The following C12orf56 variants were observed in gnomAD, a reference collection of about 807,000 sequenced individuals.
C12orf56 encodes uncharacterized protein C12orf56.
A neutral mutation model predicts 69.9 loss-of-function variants in C12orf56; 71 were observed. That is an observed-to-expected ratio of 1.02 (90% CI 0.84 to 1.24). C12orf56 has a LOEUF of 1.24. Among genes scored for constraint, C12orf56 ranks in the 50% most tolerant of loss-of-function variants. C12orf56 has a pLI of 0.00. For missense variants in C12orf56, 732 were observed against 738.5 expected, an observed-to-expected ratio of 0.99 and a Z score of 0.10; for synonymous variants, 276 against 274.1, an observed-to-expected ratio of 1.01 and a Z score of -0.07.
At chr12:64,345,197 A>G (rs2039124268) in intron 2 of C12orf56, among the ~76,000 whole-genome samples, 1 of 152,158 alleles carries the variant, frequency 6.6e-6, no homozygotes, top group African/African-American at 2.4e-5. Context: ...GTCTACAAGC[A>G]AACAGGAACA....
intron 12 of C12orf56, among the ~76,000 whole-genome samples, chr12:64,269,073 G>A (rs2037948632): frequency 6.6e-6 from 1 of 151,182 alleles, no homozygotes; most frequent in Non-Finnish European, 1.5e-5. Flanking sequence ...CCAGGAGGCA[G>A]AGATTGTGAT....
At chr12:64,277,650 A>ATATAT (rs1555185573) in intron 9 of C12orf56, 30 bp downstream of exon 9, 4 of 1,393,478 alleles carry the variant, frequency 2.9e-6, no homozygotes, top group East Asian at 2.7e-5. Flanking sequence ...ATATATATAT[A>ATATAT]ATAGTTTACC....
chr12:64,310,008 C>T (rs1191787047), intron 5 of C12orf56, among the ~76,000 whole-genome samples: 1 of 79,374 alleles, frequency 1.3e-5, no homozygotes, highest in East Asian at 6.4e-4. Context: ...TTCCACTTCA[C>T]CTTTTTTTTT....
Position 64,277,796 on chromosome 12 carries a change from G to C in C12orf56, c.1318C>G (p.Leu440Val). 1 of 1,556,536 alleles carries C rather than the reference G, an allele frequency of 6.4e-7. No individual in the cohort carries two copies. The highest frequency in any genetic ancestry group is 1.7e-4 in the Middle Eastern group (1 of 5,802). Residue 440 changes from leucine to valine, a missense_variant, in exon 9 of 13, where the codon CTA becomes GTA. Physicochemically the swap from Leu to Val is conservative, Grantham distance 32. Transcript: ENST00000543942. ...LNTLAAKKGA[L>V]FNLLVILISE... ...ATTAAAATTACCAAGAGATTAAATA[G>C]TGCTCCCCTGGAAAAAAATAAATAA...
chr12:64,349,162 A>T (rs1170374978), intron 2 of C12orf56, among the ~76,000 whole-genome samples: 2 of 152,220 alleles, frequency 1.3e-5, no homozygotes, highest in African/African-American at 4.8e-5. Flanking sequence ...CTACGAACTC[A>T]AATGAATTAG....
At position 64,375,650 on chromosome 12, in the gene C12orf56, A is replaced by G. The variant is rs561883273; in HGVS notation, c.252+14664T>C. Among the ~76,000 whole-genome samples, 45 of 152,322 alleles carry G rather than the reference A, an allele frequency of 3.0e-4. 1 individual carries two copies. The South Asian group carries it at 6.8e-3, about 23-fold the overall frequency. On this transcript the variant is annotated intron_variant, in intron 1 of 12. Transcript: ENST00000543942. ...AATCATCAAAGCTGATCCTCTTACA[A>G]CTACACAAAAAGTTTTGGAAGAACT...
chr12:64,320,583 C>T (rs2038758442), intron 3 of C12orf56, among the ~76,000 whole-genome samples: 1 of 152,192 alleles, frequency 6.6e-6, no homozygotes, highest in South Asian at 2.1e-4. Flanking sequence ...CCTATTCTCT[C>T]CAGCTCACCA....
chr12:64,320,811 C>T (rs563694380), intron 3 of C12orf56, among the ~76,000 whole-genome samples: 4 of 152,288 alleles, frequency 2.6e-5, no homozygotes, highest in African/African-American at 9.6e-5. Flanking sequence ...GTGCTTAGTA[C>T]CAGTAATCAA....
intron 9 of C12orf56, among the ~76,000 whole-genome samples, chr12:64,276,121 C>T (rs1224792024): frequency 1.3e-5 from 2 of 151,996 alleles, no homozygotes; most frequent in East Asian, 3.9e-4. Context: ...TCATTCCTCT[C>T]AAGAATTCCA....
intron 2 of C12orf56, among the ~76,000 whole-genome samples, chr12:64,332,946 G>C (rs1045590028): frequency 2.6e-5 from 4 of 152,132 alleles, no homozygotes; most frequent in African/African-American, 9.7e-5. Flanking sequence ...TTGACATTAA[G>C]ATAGGCAGAA....
intron 3 of C12orf56, among the ~76,000 whole-genome samples, chr12:64,323,103 ACAGT>A (rs1238573288): frequency 6.6e-6 from 1 of 152,180 alleles, no homozygotes; most frequent in Non-Finnish European, 1.5e-5. Flanking sequence ...TGAATTTAAG[ACAGT>A]CAGTGACTCG....
chr12:64,364,216 G>C (rs191837519), intron 1 of C12orf56, among the ~76,000 whole-genome samples: 4 of 151,984 alleles, frequency 2.6e-5, no homozygotes, highest in African/African-American at 4.8e-5. Flanking sequence ...GTGGGAGGTC[G>C]AGGTTGCAGT....
chr12:64,353,998 T>G (rs893067979), intron 1 of C12orf56, among the ~76,000 whole-genome samples: 1 of 152,170 alleles, frequency 6.6e-6, no homozygotes, highest in East Asian at 1.9e-4. Flanking sequence ...ATTTTAAAAA[T>G]AATTTTTTCA....
intron 1 of C12orf56, among the ~76,000 whole-genome samples, chr12:64,372,159 C>A (rs1013283671): frequency 6.6e-6 from 1 of 151,796 alleles, no homozygotes; most frequent in Non-Finnish European, 1.5e-5. Context: ...TCATACCTAC[C>A]CTAGAAGATA....
At chr12:64,338,603 A>T (rs1163822060) in intron 2 of C12orf56, 1 of 1,586,092 alleles carries the variant, frequency 6.3e-7, no homozygotes, top group African/African-American at 1.3e-5. Flanking sequence ...CTGCTGCTCA[A>T]TCTGTTTCTC....
chr12:64,277,919 C>T, intron 8 of C12orf56, 116 bp from the exon 9 acceptor site: 1 of 758,354 alleles, frequency 1.3e-6, no homozygotes, highest in Non-Finnish European at 1.9e-6. Context: ...CATTGCAGAC[C>T]ATCCTTGACT....
chr12:64,319,051 T>A, intron 3 of C12orf56, 71 bp from the exon 4 acceptor site: 13 of 1,315,574 alleles, frequency 9.9e-6, no homozygotes, highest in Non-Finnish European at 1.3e-5. Flanking sequence ...GAACCGGTAG[T>A]TTAAGACTGA....
chr12:64,352,831 A>C, intron 2 of C12orf56, 63 bp downstream of exon 2: 1 of 1,364,840 alleles, frequency 7.3e-7, no homozygotes, highest in Admixed American at 3.1e-5. Context: ...CATCAATTTT[A>C]AGAAATATAT....
At chr12:64,273,752 C>T (rs981477599) in intron 11 of C12orf56, among the ~76,000 whole-genome samples, 1 of 152,084 alleles carries the variant, frequency 6.6e-6, no homozygotes, top group East Asian at 1.9e-4. Context: ...GGTGCTATGC[C>T]GAAGGAAAAG....
Sources: allele counts gnomAD v4.1 joint callset (sites outside exome capture counted in the v4.1 genomes callset), GRCh38; gene constraint gnomAD v4.1.1; transcripts MANE v1.5; gene names NCBI Gene and HGNC (gene_info 2026-07-23, HGNC 2026-07-21).